CDH2: variants seen among roughly 807,000 people sequenced by gnomAD.
CDH2 encodes cadherin-2.
In CDH2, 17 loss-of-function variants were observed where a neutral mutation model predicts 92.0. The ratio of observed to expected loss-of-function variants is 0.18; its 90% CI spans 0.13 to 0.28. The LOEUF (loss-of-function observed/expected upper bound fraction) is 0.28. Among genes scored for constraint, CDH2 ranks in the 10% least tolerant of loss-of-function variants. The probability of loss-of-function intolerance (pLI) is 1.00; values close to 1 mark genes in which losing one functional copy is unlikely to be tolerated. For missense variants in CDH2, 862 were observed against 1,133.1 expected, an observed-to-expected ratio of 0.76 and a Z score of 3.44; for synonymous variants, 419 against 415.9, an observed-to-expected ratio of 1.01 and a Z score of -0.09.
chr18:28,034,652 TGTC>T (rs2013780760), intron 2 of CDH2, among the ~76,000 whole-genome samples: 1 of 151,790 alleles, frequency 6.6e-6, no homozygotes, highest in Non-Finnish European at 1.5e-5. Flanking sequence ...AAAGTTCGTA[TGTC>T]ATCACAAAAA....
intron 1 of CDH2, chr18:28,168,541 A>G (rs2016418894): frequency 4.4e-6 from 1 of 225,840 alleles, no homozygotes; most frequent in African/African-American, 2.3e-5. Flanking sequence ...GAGAGTTTAT[A>G]GGCTTTCAGA....
At chr18:28,155,790 T>TA (rs1228297438) in intron 1 of CDH2, among the ~76,000 whole-genome samples, 1 of 152,188 alleles carries the variant, frequency 6.6e-6, no homozygotes, top group Admixed American at 6.5e-5. Flanking sequence ...ACCATACAAT[T>TA]ACAGTTGCCA....
chr18:27,964,627 T>C (rs750207245), intron 14 of CDH2, among the ~76,000 whole-genome samples: 2 of 152,234 alleles, frequency 1.3e-5, no homozygotes, highest in African/African-American at 4.8e-5. Context: ...TCGACAGTTG[T>C]TTAACGTTTA....
intron 2 of CDH2, among the ~76,000 whole-genome samples, chr18:28,103,249 A>ACATATATAAAAACTCCTT (rs2015259987): frequency 2.8e-5 from 4 of 143,486 alleles, no homozygotes; most frequent in Admixed American, 2.1e-4. Flanking sequence ...TATATAAAGT[A>ACATATATAAAAACTCCTT]TATATATAAA....
chr18:27,972,708 G>A (rs538928768), intron 14 of CDH2, among the ~76,000 whole-genome samples: 1 of 152,316 alleles, frequency 6.6e-6, no homozygotes, highest in East Asian at 1.9e-4. Flanking sequence ...AGGGCCCACA[G>A]CAGTTCAACT....
chr18:28,039,912 A>G (rs554391196), intron 2 of CDH2, among the ~76,000 whole-genome samples: 2 of 152,316 alleles, frequency 1.3e-5, no homozygotes, highest in East Asian at 3.9e-4. Flanking sequence ...ACCAACAGTT[A>G]TTTCCTTTTA....
At chr18:28,056,264 G>A (rs568063245) in intron 2 of CDH2, among the ~76,000 whole-genome samples, 1 of 152,228 alleles carries the variant, frequency 6.6e-6, no homozygotes, top group East Asian at 1.9e-4. Flanking sequence ...GGAATTATTT[G>A]TAAGGCTTTC....
chr18:28,135,241 G>A (rs929304636), intron 2 of CDH2, among the ~76,000 whole-genome samples: 3 of 152,132 alleles, frequency 2.0e-5, no homozygotes, highest in Non-Finnish European at 1.5e-5. Flanking sequence ...AAATGGCAAA[G>A]GTAAAGTGTC....
intron 2 of CDH2, among the ~76,000 whole-genome samples, chr18:28,113,862 C>A (rs2144258715): frequency 6.6e-6 from 1 of 152,184 alleles, no homozygotes; most frequent in East Asian, 1.9e-4. Flanking sequence ...TTTATACAAA[C>A]TCCCAAGAGG....
At chr18:28,004,898 T>G (rs1394681252) in intron 6 of CDH2, among the ~76,000 whole-genome samples, 1 of 152,184 alleles carries the variant, frequency 6.6e-6, no homozygotes, top group Non-Finnish European at 1.5e-5. Context: ...CAAGAAAATG[T>G]ATGTGTTTGA....
At chr18:28,175,716 G>A (rs1315407978) in intron 1 of CDH2, among the ~76,000 whole-genome samples, 2 of 152,196 alleles carry the variant, frequency 1.3e-5, no homozygotes, top group East Asian at 1.9e-4. Flanking sequence ...CCCGGAGCAG[G>A]CACTTCCGAG....
intron 2 of CDH2, among the ~76,000 whole-genome samples, chr18:28,094,396 G>A (rs967681865): frequency 7.9e-5 from 12 of 152,050 alleles, no homozygotes; most frequent in South Asian, 2.1e-4. Flanking sequence ...GCTGAGGCAC[G>A]AGAATTACTT....
intron 1 of CDH2, among the ~76,000 whole-genome samples, chr18:28,155,502 C>T (rs915411929): frequency 4.6e-5 from 7 of 152,058 alleles, no homozygotes; most frequent in Admixed American, 1.3e-4. Context: ...TGCAAAAAAA[C>T]GGAAATTCAC....
At chr18:28,025,379 G>T (rs535483516) in intron 2 of CDH2, among the ~76,000 whole-genome samples, 11 of 151,846 alleles carry the variant, frequency 7.2e-5, no homozygotes, top group Non-Finnish European at 1.5e-4. Flanking sequence ...TTAGCCAGGC[G>T]TGGCGGTGTA....
At chr18:28,052,711 A>G (rs1055407280) in intron 2 of CDH2, among the ~76,000 whole-genome samples, 1 of 152,216 alleles carries the variant, frequency 6.6e-6, no homozygotes, top group Non-Finnish European at 1.5e-5. Flanking sequence ...GTGGCCAGAC[A>G]TTCTCAGGTG....
Position 27,985,415 on chromosome 18 carries a change from G to C in CDH2, c.1975+113C>G. The C allele has an allele frequency of 3.5e-6, 3 of 858,246 alleles. No homozygotes were observed. The East Asian group carries it at 7.9e-5, about 23-fold the overall frequency. 53.2% of individuals were successfully genotyped at this position (858,246 alleles called of 1,614,324 possible). On this transcript the variant is annotated intron_variant, in intron 12 of 15. Transcript: ENST00000269141. Reference sequence around the variant, plus strand: ...TAATATCTTACTTAAACTTTAAGTAGCTTTTAAAATATGTATAATGAGAAG... The same window carrying C: ...TAATATCTTACTTAAACTTTAAGTACCTTTTAAAATATGTATAATGAGAAG...
chr18:28,095,037 C>T (rs2015107172), intron 2 of CDH2, among the ~76,000 whole-genome samples: 1 of 152,004 alleles, frequency 6.6e-6, no homozygotes, highest in Admixed American at 6.6e-5. Flanking sequence ...TGTCTTGACT[C>T]ATATTTTTTA....
At chr18:27,965,727 T>C (rs1465933146) in intron 14 of CDH2, among the ~76,000 whole-genome samples, 2 of 152,128 alleles carry the variant, frequency 1.3e-5, no homozygotes, top group Non-Finnish European at 2.9e-5. Flanking sequence ...AAGAGGGATT[T>C]AGTCCCCTGC....
downstream of CDH2, among the ~76,000 whole-genome samples, chr18:27,947,086 C>T (rs1303364930): frequency 6.6e-6 from 1 of 151,632 alleles, no homozygotes; most frequent in Non-Finnish European, 1.5e-5. Context: ...AAAAAAAATA[C>T]TATTCATCTT....
Sources: gnomAD v4.1 joint callset for allele counts (sites outside exome capture counted in the v4.1 genomes callset) on GRCh38, gnomAD v4.1.1 for gene constraint, MANE v1.5 for transcripts, NCBI Gene and HGNC (gene_info 2026-07-23, HGNC 2026-07-21) for gene names.